The following ERC2 variants were observed in gnomAD, a reference collection of about 807,000 sequenced individuals.
The protein encoded by ERC2 is ELKS/RAB6-interacting/CAST family member 2.
A neutral mutation model predicts 114.8 loss-of-function variants in ERC2; 42 were observed. That is an observed-to-expected ratio of 0.37 (90% CI 0.29 to 0.47). The LOEUF is 0.47. Ranked by LOEUF, ERC2 falls within the 20% of genes least tolerant of loss-of-function variation. The pLI is 0.99. For missense variants in ERC2, 939 were observed against 1,150.7 expected (o/e 0.82, Z 2.66); for synonymous variants, 454 against 425.5 (o/e 1.07, Z -0.82).
intron 14 of ERC2, among the ~76,000 whole-genome samples, chr3:55,869,340 C>T (rs1015728618): frequency 3.3e-5 from 5 of 152,122 alleles, no homozygotes; most frequent in Admixed American, 2.6e-4. Context: ...TGCCTACTTA[C>T]GGAGATGACA....
At chr3:55,803,007 A>T (rs2059362381) in intron 14 of ERC2, among the ~76,000 whole-genome samples, 1 of 152,176 alleles carries the variant, frequency 6.6e-6, no homozygotes, top group Non-Finnish European at 1.5e-5. Flanking sequence ...CTCATGTGGA[A>T]TGTAGGTATT....
intron 17 of ERC2, among the ~76,000 whole-genome samples, chr3:55,560,483 G>A (rs894843800): frequency 1.3e-5 from 2 of 152,162 alleles, no homozygotes; most frequent in African/African-American, 4.8e-5. Context: ...AGAAACCACA[G>A]GAGAGGCTCT....
At chr3:56,418,224 G>T (rs973538638) in intron 2 of ERC2, among the ~76,000 whole-genome samples, 7 of 151,472 alleles carry the variant, frequency 4.6e-5, no homozygotes, top group African/African-American at 1.7e-4. Context: ...CTTGAGCCCT[G>T]GAGATCAAGG....
intron 14 of ERC2, among the ~76,000 whole-genome samples, chr3:55,825,411 C>A (rs2060285359): frequency 6.6e-6 from 1 of 152,198 alleles, no homozygotes; most frequent in East Asian, 1.9e-4. Context: ...TGATTATGAT[C>A]TGAACCTCCA....
intron 16 of ERC2, among the ~76,000 whole-genome samples, chr3:55,684,349 T>C (rs2062218711): frequency 6.6e-6 from 1 of 152,052 alleles, no homozygotes. Context: ...CAACTCCATC[T>C]ACTGGGGTGG....
At chr3:55,757,995 G>A (rs1163664892) in intron 14 of ERC2, among the ~76,000 whole-genome samples, 3 of 151,780 alleles carry the variant, frequency 2.0e-5, no homozygotes, top group East Asian at 3.9e-4. Flanking sequence ...TAACGATAGA[G>A]CCCATTTTTT....
At chr3:56,396,843 T>C (rs2060326403) in intron 2 of ERC2, among the ~76,000 whole-genome samples, 1 of 152,142 alleles carries the variant, frequency 6.6e-6, no homozygotes, top group Non-Finnish European at 1.5e-5. Flanking sequence ...ATTACAACTG[T>C]TTCCAATAAC....
In ERC2 at chr3:55,567,484, G is replaced by A. The variant is rs77836423; in HGVS notation, c.*40-56208C>T. Among the ~76,000 whole-genome samples, 217 of 152,302 alleles carry A rather than the reference G, an allele frequency of 1.4e-3. 3 individuals are homozygous for A. The East Asian group carries it at 0.034, about 24-fold the overall frequency. ...GAGATTCCACTGGAGGGTTTTTAGG[G>A]AGAGCTTGATCTGATTTTCATTTCA... is the stretch of plus-strand genomic sequence containing the variant. On this transcript the variant is annotated intron_variant, in intron 17 of 17. Transcript: ENST00000288221.
chr3:56,027,830 T>C (rs535495047), intron 7 of ERC2, among the ~76,000 whole-genome samples: 4 of 152,334 alleles, frequency 2.6e-5, no homozygotes, highest in South Asian at 2.1e-4. Context: ...TTTCCTTTCA[T>C]GGATCATACT....
intron 2 of ERC2, among the ~76,000 whole-genome samples, chr3:56,378,060 A>G (rs2059612345): frequency 6.6e-6 from 1 of 152,108 alleles, no homozygotes; most frequent in Admixed American, 6.5e-5. Flanking sequence ...CAGAAGCTCA[A>G]TACCTTCCAT....
intron 1 of ERC2, among the ~76,000 whole-genome samples, chr3:56,464,404 C>A (rs1216568166): frequency 2.0e-5 from 3 of 152,224 alleles, no homozygotes; most frequent in African/African-American, 7.2e-5. Flanking sequence ...GGAACCCAAC[C>A]CACAGCCTCT....
intron 7 of ERC2, among the ~76,000 whole-genome samples, chr3:56,074,128 T>G (rs747666369): frequency 9.2e-5 from 14 of 152,178 alleles, no homozygotes; most frequent in Non-Finnish European, 2.9e-5. Flanking sequence ...CTGTAAAAGT[T>G]AATGATCCCA....
Position 56,376,930 on chromosome 3 carries a change from C to T in ERC2, c.657+57421G>A, listed in dbSNP as rs182435217. The stretch of plus-strand genomic sequence containing the variant: ...TTCTAAAATATCATTTGGGAGGCAA[C>T]AGATGAACTGACTTAGCCAGATTCG... On this transcript the variant is annotated intron_variant, in intron 2 of 17. Coordinates refer to ENST00000288221, the MANE Select transcript of ERC2 (RefSeq NM_015576.3). Among the ~76,000 whole-genome samples, 22 of 152,238 alleles carry T rather than the reference C, an allele frequency of 1.4e-4. No homozygotes were observed. In the East Asian group the frequency reaches 3.9e-3, roughly 27 times the overall value.
chr3:56,159,913 T>C (rs2081960549), intron 4 of ERC2, among the ~76,000 whole-genome samples: 1 of 152,206 alleles, frequency 6.6e-6, no homozygotes, highest in Non-Finnish European at 1.5e-5. Context: ...ACACCATTAA[T>C]GGGCACCTAG....
At chr3:56,450,520 C>A (rs564217727) in intron 1 of ERC2, among the ~76,000 whole-genome samples, 1 of 151,994 alleles carries the variant, frequency 6.6e-6, no homozygotes, top group East Asian at 1.9e-4. Context: ...CAGCTAAATC[C>A]ACAAGTTAAA....
Position 56,163,978 on chromosome 3 carries a change from G to C in ERC2, c.1149+9468C>G, listed in dbSNP as rs142597388. Among the ~76,000 whole-genome samples, 7 of 152,186 alleles carry C rather than the reference G, an allele frequency of 4.6e-5. No individual in the cohort carries two copies. In the East Asian group the frequency reaches 1.3e-3, roughly 29 times the overall value. On this transcript the variant is annotated intron_variant, in intron 4 of 17. Coordinates refer to ENST00000288221, the MANE Select transcript of ERC2 (RefSeq NM_015576.3). ...ATAGGGTCTATGGGCTAAGTACTAA[G>C]TGTGTTTTTGTGGCAGCAGGTATCA...
chr3:56,333,320 G>A (rs774557673), intron 2 of ERC2, among the ~76,000 whole-genome samples: 16 of 152,204 alleles, frequency 1.1e-4, no homozygotes, highest in Non-Finnish European at 2.2e-4. Flanking sequence ...GGCAGATAAA[G>A]ATTTAGGTGC....
intron 15 of ERC2, among the ~76,000 whole-genome samples, chr3:55,729,953 A>G (rs1186444129): frequency 6.6e-6 from 1 of 151,842 alleles, no homozygotes; most frequent in African/African-American, 2.4e-5. Context: ...CAGGCAGTCA[A>G]TGAATACTCG....
chr3:56,427,684 G>A (rs959134272), intron 2 of ERC2, among the ~76,000 whole-genome samples: 6 of 152,250 alleles, frequency 3.9e-5, no homozygotes, highest in Admixed American at 2.0e-4. Context: ...GGCAGATTAT[G>A]TGAGGACACA....
Sources: allele counts gnomAD v4.1 joint callset (sites outside exome capture counted in the v4.1 genomes callset), GRCh38; gene constraint gnomAD v4.1.1; transcripts MANE v1.5; gene names NCBI Gene and HGNC (gene_info 2026-07-23, HGNC 2026-07-21).